The following CDH18 variants were observed in gnomAD, a reference collection of about 807,000 sequenced individuals.
The protein encoded by CDH18 is cadherin-18.
In CDH18, 31 loss-of-function variants were observed where a neutral mutation model predicts 67.9. That is an observed-to-expected ratio of 0.46 (90% CI 0.34 to 0.62). CDH18 has a LOEUF of 0.62. Ranked by LOEUF, CDH18 falls within the 20% of genes least tolerant of loss-of-function variation. The pLI is 0.01. For synonymous variants in CDH18, 362 were observed against 347.2 expected, an observed-to-expected ratio of 1.04 and a Z score of -0.48; for missense variants, 890 against 975.5, an observed-to-expected ratio of 0.91 and a Z score of 1.17.
At chr5:19,808,832 CAAAAAAAAAA>C (rs1173922790) in intron 3 of CDH18, among the ~76,000 whole-genome samples, 1 of 53,936 alleles carries the variant, frequency 1.9e-5, no homozygotes, top group African/African-American at 7.6e-5. Context: ...AACTCTGTCT[CAAAAAAAAAA>C]AAAAAAAAAA....
At chr5:19,622,906 G>A (rs1461523181) in intron 5 of CDH18, among the ~76,000 whole-genome samples, 1 of 152,108 alleles carries the variant, frequency 6.6e-6, no homozygotes, top group Non-Finnish European at 1.5e-5. Flanking sequence ...AAATTTCCTG[G>A]CTTCCAAAAT....
At chr5:19,951,279 T>C (rs1795759862) in intron 2 of CDH18, among the ~76,000 whole-genome samples, 1 of 152,208 alleles carries the variant, frequency 6.6e-6, no homozygotes, top group Non-Finnish European at 1.5e-5. Context: ...AAAGCTTATA[T>C]ATCTGTGGCA....
intron 1 of CDH18, among the ~76,000 whole-genome samples, chr5:20,503,584 G>A (rs1174290252): frequency 1.3e-5 from 2 of 152,110 alleles, no homozygotes; most frequent in Admixed American, 6.6e-5. Flanking sequence ...ATCTCCAGAG[G>A]TTCCCAAGAG....
chr5:20,457,463 C>A (rs1452061450), intron 1 of CDH18, among the ~76,000 whole-genome samples: 1 of 152,074 alleles, frequency 6.6e-6, no homozygotes, highest in Non-Finnish European at 1.5e-5. Flanking sequence ...TACAGATGAG[C>A]AAATGGACAA....
intron 3 of CDH18, among the ~76,000 whole-genome samples, chr5:19,755,041 G>C (rs1195017614): frequency 6.6e-6 from 1 of 151,744 alleles, no homozygotes; most frequent in African/African-American, 2.4e-5. Context: ...AGCCCTAAAT[G>C]CCTACATCAA....
chr5:20,397,346 G>GA (rs1411498981), intron 1 of CDH18, among the ~76,000 whole-genome samples: 8 of 152,010 alleles, frequency 5.3e-5, no homozygotes, highest in Non-Finnish European at 1.2e-4. Context: ...TGGCCGGGCT[G>GA]GCCTAGAACT....
chr5:19,577,773 T>C (rs1742560328), intron 7 of CDH18, among the ~76,000 whole-genome samples: 1 of 152,224 alleles, frequency 6.6e-6, no homozygotes, highest in Non-Finnish European at 1.5e-5. Context: ...GGAGACAGGC[T>C]ATAGAGGCCT....
chr5:20,470,923 G>T (rs1447934196), intron 1 of CDH18, among the ~76,000 whole-genome samples: 1 of 152,100 alleles, frequency 6.6e-6, no homozygotes, highest in South Asian at 2.1e-4. Flanking sequence ...TCCTCTCTAC[G>T]AGATCGTTCC....
At chr5:19,973,795 T>A (rs1466067227) in intron 2 of CDH18, among the ~76,000 whole-genome samples, 1 of 150,476 alleles carries the variant, frequency 6.6e-6, no homozygotes, top group Non-Finnish European at 1.5e-5. Flanking sequence ...TAGATAGGGA[T>A]CAAGTTGGAC....
intron 5 of CDH18, among the ~76,000 whole-genome samples, chr5:19,686,444 T>C (rs1160220616): frequency 6.6e-6 from 1 of 152,102 alleles, no homozygotes; most frequent in Non-Finnish European, 1.5e-5. Context: ...TTGTTCAAAA[T>C]TTGATGGAAA....
At chr5:19,550,988 G>C (rs906701928) in intron 8 of CDH18, among the ~76,000 whole-genome samples, 6 of 152,166 alleles carry the variant, frequency 3.9e-5, no homozygotes, top group African/African-American at 1.2e-4. Context: ...TGACTAAACT[G>C]TAAGACCTAG....
At chr5:19,528,192 C>T (rs1174620620) in intron 9 of CDH18, among the ~76,000 whole-genome samples, 4 of 151,628 alleles carry the variant, frequency 2.6e-5, no homozygotes, top group Non-Finnish European at 5.9e-5. Flanking sequence ...TCAGTTTTAA[C>T]ATGTTTTTTC....
intron 2 of CDH18, among the ~76,000 whole-genome samples, chr5:19,941,043 C>G (rs192911001): frequency 6.6e-6 from 1 of 152,020 alleles, no homozygotes; most frequent in Admixed American, 6.6e-5. Flanking sequence ...TGTTTCTCCA[C>G]GATTCTGTGT....
chr5:19,860,022 G>GTGTGTA (rs1784722233), intron 2 of CDH18, among the ~76,000 whole-genome samples: 2 of 151,638 alleles, frequency 1.3e-5, no homozygotes, highest in South Asian at 4.2e-4. Context: ...GTGTGTGTGT[G>GTGTGTA]TTTAAGAGTA....
At chr5:20,005,939 G>A in intron 2 of CDH18, among the ~76,000 whole-genome samples, 1 of 151,906 alleles carries the variant, frequency 6.6e-6, no homozygotes, top group East Asian at 1.9e-4. Flanking sequence ...TGTCCTTTGA[G>A]TAACAATTTG....
Position 20,167,491 on chromosome 5 carries a change from A to G in CDH18, c.-518+87953T>C, listed in dbSNP as rs115007079. ...AAATTAATGGATAAATAATAAATAT[A>G]TAATGAATAAATAAATAGAAAAATA... On this transcript the variant is annotated intron_variant, in intron 2 of 14. Coordinates refer to the CDH18 transcript ENST00000507958. 1.0e-3 allele frequency among the ~76,000 whole-genome samples: 159 copies of G among 151,924 alleles called. 1 individual carries two copies. The highest frequency in any genetic ancestry group is 3.7e-3 in the African/African-American group (153 of 41,548).
intron 2 of CDH18, among the ~76,000 whole-genome samples, chr5:20,147,797 T>C (rs1750772474): frequency 6.6e-6 from 1 of 152,148 alleles, no homozygotes; most frequent in Admixed American, 6.5e-5. Context: ...AAAATGGGAA[T>C]CTTCATTTAT....
intron 5 of CDH18, among the ~76,000 whole-genome samples, chr5:19,635,465 C>T (rs1466238114): frequency 6.6e-6 from 1 of 152,124 alleles, no homozygotes; most frequent in African/African-American, 2.4e-5. Context: ...TTACCAGAAC[C>T]ATTCTGGCAG....
At chr5:19,653,665 C>A (rs1049345393) in intron 5 of CDH18, among the ~76,000 whole-genome samples, 1 of 152,158 alleles carries the variant, frequency 6.6e-6, no homozygotes. Context: ...TCCCCCCAGG[C>A]CATCTCATTT....
Sources: allele counts gnomAD v4.1 joint callset (sites outside exome capture counted in the v4.1 genomes callset), GRCh38; gene constraint gnomAD v4.1.1; transcripts MANE v1.5; gene names NCBI Gene and HGNC (gene_info 2026-07-23, HGNC 2026-07-21).